The following LDB2 variants were observed in gnomAD, a reference collection of about 807,000 sequenced individuals.
The protein encoded by LDB2 is LIM domain-binding protein 2.
A neutral mutation model predicts 44.3 loss-of-function variants in LDB2; 12 were observed. The ratio of observed to expected loss-of-function variants is 0.27; its 90% confidence interval spans 0.17 to 0.44. LDB2 has a LOEUF of 0.44. LDB2 is among the 20% of genes least tolerant of loss of function. The probability of loss-of-function intolerance (pLI) is 1.00; values close to 1 mark genes in which losing one functional copy is unlikely to be tolerated. For missense variants in LDB2, 344 were observed against 473.5 expected, an observed-to-expected ratio of 0.73 and a Z score of 2.54; for synonymous variants, 164 against 174.8, an observed-to-expected ratio of 0.94 and a Z score of 0.49.
At position 16,652,898 on chromosome 4, in the gene LDB2, G is replaced by C. The variant is rs766075904; in HGVS notation, c.236-57023C>G. On this transcript the variant is annotated intron_variant, in intron 2 of 7. Coordinates refer to ENST00000304523, the MANE Select transcript of LDB2 (RefSeq NM_001290.5). ...CAGGAGGAGCTATTAGCAGTCACTT[G>C]TTTCAGTAAACACTGAATATAACAT... 7.9e-5 allele frequency among the ~76,000 whole-genome samples: 12 copies of C among 152,292 alleles called. No individual in the cohort carries two copies. The South Asian group carries it at 1.7e-3, about 21-fold the overall frequency.
At chr4:16,782,544 G>A (rs1208594453) in intron 1 of LDB2, among the ~76,000 whole-genome samples, 1 of 151,980 alleles carries the variant, frequency 6.6e-6, no homozygotes. Context: ...TAGAGACGGG[G>A]TTTCACCATA....
At chr4:16,665,975 C>A (rs1193173326) in intron 2 of LDB2, among the ~76,000 whole-genome samples, 1 of 152,120 alleles carries the variant, frequency 6.6e-6, no homozygotes, top group African/African-American at 2.4e-5. Flanking sequence ...ATACAAGAAG[C>A]CAGGATGGGG....
intron 2 of LDB2, among the ~76,000 whole-genome samples, chr4:16,703,568 A>AT (rs1412003292): frequency 6.6e-6 from 1 of 152,196 alleles, no homozygotes; most frequent in Admixed American, 6.5e-5. Flanking sequence ...CCTGAGCAAG[A>AT]TTTTTTAACC....
chr4:16,678,851 A>G (rs2152565688), intron 2 of LDB2, among the ~76,000 whole-genome samples: 1 of 152,064 alleles, frequency 6.6e-6, no homozygotes, highest in South Asian at 2.1e-4. Flanking sequence ...CTAACAACCT[A>G]TTTTCCCACC....
At chr4:16,510,061 C>A (rs765474590) in intron 6 of LDB2, among the ~76,000 whole-genome samples, 3 of 152,126 alleles carry the variant, frequency 2.0e-5, no homozygotes, top group Non-Finnish European at 2.9e-5. Flanking sequence ...CTGCAGTAAG[C>A]TATGATTGTG....
rs551966436 is a variant in LDB2, at chr4:16,558,114, G to GA, written c.615+27807dup. ...AAGTAGATAAAACCACAAAGATGGG[G>GA]AAAAAACAGAGCAGAAAAACTGGAA... On this transcript the variant is annotated intron_variant, in intron 5 of 7. Coordinates refer to ENST00000304523, the MANE Select transcript of LDB2 (RefSeq NM_001290.5). 2.5e-3 allele frequency among the ~76,000 whole-genome samples: 386 copies of GA among 152,184 alleles called. 8 individuals carry two copies. The highest frequency in any genetic ancestry group is 0.019 in the Admixed American group (297 of 15,268).
At chr4:16,706,730 G>A (rs1466912733) in intron 2 of LDB2, among the ~76,000 whole-genome samples, 2 of 152,174 alleles carry the variant, frequency 1.3e-5, no homozygotes, top group East Asian at 3.9e-4. Context: ...GAAATCTGGG[G>A]AGACTTTGAG....
At chr4:16,625,598 A>G (rs763428738) in intron 2 of LDB2, among the ~76,000 whole-genome samples, 6 of 152,192 alleles carry the variant, frequency 3.9e-5, no homozygotes, top group Non-Finnish European at 8.8e-5. Flanking sequence ...CCTTGAATAT[A>G]TCAGCTTCTC....
chr4:16,831,437 A>G (rs1784063515), intron 1 of LDB2, among the ~76,000 whole-genome samples: 1 of 152,158 alleles, frequency 6.6e-6, no homozygotes, highest in Admixed American at 6.5e-5. Context: ...ACATTTTCAA[A>G]AGCTTACTCT....
chr4:16,768,764 C>T (rs558849124), intron 1 of LDB2, among the ~76,000 whole-genome samples: 45 of 152,246 alleles, frequency 3.0e-4, no homozygotes, highest in African/African-American at 9.9e-4. Context: ...AGTTACAAGG[C>T]ACTTATTGTA....
intron 7 of LDB2, 80 bp downstream of exon 7, chr4:16,508,455 G>A: frequency 1.2e-6 from 1 of 849,190 alleles, no homozygotes; most frequent in Non-Finnish European, 1.6e-6. Flanking sequence ...TTTTTCTAAT[G>A]AAAAGAGACT....
intron 5 of LDB2, among the ~76,000 whole-genome samples, chr4:16,536,518 C>A (rs534838504): frequency 6.6e-6 from 1 of 152,180 alleles, no homozygotes; most frequent in South Asian, 2.1e-4. Context: ...TCAGGGGAAA[C>A]AGACAAAGGA....
chr4:16,659,736 AAGTG>A (rs1286059379), intron 2 of LDB2, among the ~76,000 whole-genome samples: 68 of 149,896 alleles, frequency 4.5e-4, no homozygotes, highest in African/African-American at 1.6e-3. Flanking sequence ...CTTCTGAGAA[AAGTG>A]AGTGAACAGA....
At chr4:16,868,445 T>C (rs1554056223) in intron 1 of LDB2, among the ~76,000 whole-genome samples, 2 of 152,192 alleles carry the variant, frequency 1.3e-5, no homozygotes, top group South Asian at 2.1e-4. Flanking sequence ...GTATAAACTC[T>C]TAATATCAGA....
intron 7 of LDB2, among the ~76,000 whole-genome samples, chr4:16,504,406 A>G (rs1316350074): frequency 6.6e-6 from 1 of 152,234 alleles, no homozygotes; most frequent in African/African-American, 2.4e-5. Flanking sequence ...TTTTCTGACT[A>G]ATCATTCTTG....
intron 5 of LDB2, among the ~76,000 whole-genome samples, chr4:16,550,679 C>T (rs1443738344): frequency 6.6e-6 from 1 of 152,160 alleles, no homozygotes; most frequent in East Asian, 1.9e-4. Context: ...GGTGGGAGTG[C>T]AAATTGGCAC....
At chr4:16,888,554 G>C (rs949782405) in intron 1 of LDB2, 1 of 205,410 alleles carries the variant, frequency 4.9e-6, no homozygotes, top group Non-Finnish European at 8.6e-6. Context: ...CCAAACTCAA[G>C]AGTCCTAGAT....
At chr4:16,600,218 T>C (rs924877615) in intron 2 of LDB2, among the ~76,000 whole-genome samples, 2 of 152,170 alleles carry the variant, frequency 1.3e-5, no homozygotes, top group African/African-American at 2.4e-5. Context: ...TTTTATACTG[T>C]TACAATCATA....
At chr4:16,594,631 T>C (rs541611624) in intron 3 of LDB2, among the ~76,000 whole-genome samples, 1 of 152,346 alleles carries the variant, frequency 6.6e-6, no homozygotes, top group East Asian at 1.9e-4. Context: ...GAGATGAAAG[T>C]ATACCAAAAA....
Sources: allele counts gnomAD v4.1 joint callset (sites outside exome capture counted in the v4.1 genomes callset), GRCh38; gene constraint gnomAD v4.1.1; transcripts MANE v1.5; gene names NCBI Gene and HGNC (gene_info 2026-07-23, HGNC 2026-07-21).